The following GSK3B variants were observed in gnomAD, a reference collection of about 807,000 sequenced individuals.
The protein encoded by GSK3B is glycogen synthase kinase-3 beta.
GSK3B carries 15 observed loss-of-function variants against 56.4 expected under a neutral mutation model. That is an observed-to-expected ratio of 0.27 (90% CI 0.18 to 0.41). GSK3B has a LOEUF of 0.41. GSK3B is among the 10% of genes least tolerant of loss of function. The pLI is 1.00. For synonymous variants in GSK3B, 181 were observed against 188.9 expected (o/e 0.96, Z 0.34); for missense variants, 300 against 513.4 (o/e 0.58, Z 4.02).
intron 6 of GSK3B, among the ~76,000 whole-genome samples, chr3:119,908,087 T>C (rs1404298374): frequency 6.6e-6 from 1 of 152,198 alleles, no homozygotes; most frequent in Non-Finnish European, 1.5e-5. Flanking sequence ...TGTAACAATA[T>C]TAGTATACTT....
intron 2 of GSK3B, among the ~76,000 whole-genome samples, chr3:119,993,478 T>C (rs2057585809): frequency 6.6e-6 from 1 of 152,088 alleles, no homozygotes; most frequent in Non-Finnish European, 1.5e-5. Flanking sequence ...ACCCAAATAC[T>C]TTTTGAATAT....
At chr3:120,091,989 T>C (rs962586942) in intron 1 of GSK3B, among the ~76,000 whole-genome samples, 2 of 152,208 alleles carry the variant, frequency 1.3e-5, no homozygotes, top group African/African-American at 4.8e-5. Flanking sequence ...CATAACATCA[T>C]GTTTTGCGTG....
intron 1 of GSK3B, among the ~76,000 whole-genome samples, chr3:120,092,944 T>A (rs2107590051): frequency 6.6e-6 from 1 of 152,352 alleles, no homozygotes; most frequent in Admixed American, 6.5e-5. Context: ...CATTCCAAAT[T>A]CCAAAAATTC....
At chr3:119,881,809 G>C (rs1268923637) in intron 7 of GSK3B, among the ~76,000 whole-genome samples, 5 of 152,346 alleles carry the variant, frequency 3.3e-5, no homozygotes, top group Admixed American at 1.3e-4. Flanking sequence ...CCCAGTGGGA[G>C]ATAACTGAAT....
intron 1 of GSK3B, among the ~76,000 whole-genome samples, chr3:120,006,254 A>C (rs2057726522): frequency 6.6e-6 from 1 of 152,210 alleles, no homozygotes; most frequent in Admixed American, 6.5e-5. Flanking sequence ...GAGCACCCAG[A>C]TTCATAAAGC....
At position 120,094,322 on chromosome 3, in the gene GSK3B, C is replaced by T. The variant is rs1441231789; in HGVS notation, c.-888G>A. The T allele has an allele frequency of 1.8e-5, 5 of 271,868 alleles. No homozygotes were observed. The East Asian group carries it at 3.0e-4, about 16-fold the overall frequency. The allele number at this position is 271,868 out of a possible 1,614,324, so 16.8% of individuals were successfully genotyped here. ...GTCCGCGCTTTGCCCCAGCCCAGAG[C>T]CCTGTCAGCGGCTGCGGGGCCGGCT... is the stretch of plus-strand genomic sequence containing the variant. On this transcript the variant is annotated 5_prime_UTR_variant, in exon 1 of 11. Transcript: ENST00000264235.
intron 7 of GSK3B, among the ~76,000 whole-genome samples, chr3:119,898,166 T>C (rs2056588931): frequency 6.6e-6 from 1 of 152,198 alleles, no homozygotes; most frequent in African/African-American, 2.4e-5. Context: ...CAAAGACTAT[T>C]TCATGATAAA....
At chr3:119,977,472 C>T (rs2057419009) in intron 2 of GSK3B, among the ~76,000 whole-genome samples, 1 of 152,170 alleles carries the variant, frequency 6.6e-6, no homozygotes, top group South Asian at 2.1e-4. Context: ...GGTTTGAGGA[C>T]TCCCATTGCC....
chr3:120,055,706 C>T (rs1035892513), intron 1 of GSK3B, among the ~76,000 whole-genome samples: 1 of 152,098 alleles, frequency 6.6e-6, no homozygotes, highest in African/African-American at 2.4e-5. Flanking sequence ...TCAGTAACAA[C>T]TGGGAAAAAG....
intron 2 of GSK3B, among the ~76,000 whole-genome samples, chr3:119,963,492 C>A: frequency 6.6e-6 from 1 of 151,208 alleles, no homozygotes. Context: ...TAAAAACAGA[C>A]ATATGAATCC....
intron 3 of GSK3B, among the ~76,000 whole-genome samples, chr3:119,924,188 A>C (rs556508082): frequency 9.2e-5 from 14 of 152,322 alleles, no homozygotes; most frequent in South Asian, 2.1e-4. Context: ...CAACTCAACA[A>C]CACCAGTGGA....
chr3:119,876,533 A>G (rs760354315), intron 7 of GSK3B, 25 bp from the exon 8 acceptor site: 2 of 1,224,756 alleles, frequency 1.6e-6, no homozygotes, highest in Non-Finnish European at 2.4e-6. Context: ...AGTTATTGCC[A>G]TCTTTTCCTA....
At chr3:119,911,276 G>C (rs1202776785) in intron 6 of GSK3B, among the ~76,000 whole-genome samples, 2 of 152,186 alleles carry the variant, frequency 1.3e-5, no homozygotes, top group African/African-American at 4.8e-5. Context: ...CTCTGGAGTA[G>C]TAGGTCTCAG....
intron 9 of GSK3B, among the ~76,000 whole-genome samples, chr3:119,847,684 C>CA (rs2055874507): frequency 6.6e-6 from 1 of 151,906 alleles, no homozygotes; most frequent in Non-Finnish European, 1.5e-5. Context: ...AAGATGTGGC[C>CA]AAAGTTTTGG....
At chr3:119,893,013 CTATT>C (rs746039436) in intron 7 of GSK3B, among the ~76,000 whole-genome samples, 1 of 151,860 alleles carries the variant, frequency 6.6e-6, no homozygotes, top group Non-Finnish European at 1.5e-5. Context: ...ACAGATTTTA[CTATT>C]TATTTTTTGA....
chr3:119,904,958 GTT>G (rs74674739), intron 7 of GSK3B, among the ~76,000 whole-genome samples: 26 of 137,754 alleles, frequency 1.9e-4, no homozygotes, highest in Non-Finnish European at 1.9e-4. Context: ...TAGACACTAG[GTT>G]TTTTTTTTTT....
At chr3:120,028,284 T>TGG (rs2057944880) in intron 1 of GSK3B, among the ~76,000 whole-genome samples, 1 of 152,198 alleles carries the variant, frequency 6.6e-6, no homozygotes, top group African/African-American at 2.4e-5. Flanking sequence ...TATTACTACT[T>TGG]AATAGATAAA....
At chr3:120,004,930 C>T (rs2057712320) in intron 1 of GSK3B, among the ~76,000 whole-genome samples, 1 of 152,130 alleles carries the variant, frequency 6.6e-6, no homozygotes, top group Non-Finnish European at 1.5e-5. Flanking sequence ...ATGAGTTTGA[C>T]AAGATGACAG....
chr3:119,938,786 A>G (rs1348419069), intron 3 of GSK3B, among the ~76,000 whole-genome samples: 1 of 152,102 alleles, frequency 6.6e-6, no homozygotes, highest in African/African-American at 2.4e-5. Flanking sequence ...AATAAATCTT[A>G]ATATACTTCA....
Sources: gnomAD v4.1 joint callset for allele counts (sites outside exome capture counted in the v4.1 genomes callset) on GRCh38, gnomAD v4.1.1 for gene constraint, MANE v1.5 for transcripts, NCBI Gene and HGNC (gene_info 2026-07-23, HGNC 2026-07-21) for gene names.